Variants in PGAP1 observed in about 807,000 individuals in gnomAD.
PGAP1 encodes the protein GPI inositol-deacylase.
PGAP1 carries 76 observed loss-of-function variants against 127.0 expected under a neutral mutation model. The observed-to-expected ratio is 0.60, with a 90% CI of 0.50 to 0.72. The LOEUF (loss-of-function observed/expected upper bound fraction) is 0.72. Ranked by LOEUF, PGAP1 falls within the 30% of genes least tolerant of loss-of-function variation. The pLI is 0.00. For synonymous variants in PGAP1, 362 were observed against 366.5 expected (o/e 0.99, Z 0.14); for missense variants, 982 against 1,071.3 (o/e 0.92, Z 1.16).
At chr2:196,899,252 T>C (rs1197691108) in intron 5 of PGAP1, among the ~76,000 whole-genome samples, 2 of 152,208 alleles carry the variant, frequency 1.3e-5, no homozygotes, top group Admixed American at 6.5e-5. Flanking sequence ...CAAGAAAATT[T>C]ACAGAGGCCT....
Position 196,902,886 on chromosome 2 carries a change from A to G in PGAP1, c.650-144T>C. 3 of 540,684 alleles carry G rather than the reference A, an allele frequency of 5.5e-6. No homozygotes were observed. In the East Asian group the frequency reaches 9.5e-5, roughly 17 times the overall value. The allele number at this position is 540,684 out of a possible 1,614,324, so 33.5% of individuals were successfully genotyped here. On this transcript the variant is annotated intron_variant, in intron 4 of 26. Coordinates refer to ENST00000354764, the MANE Select transcript of PGAP1 (RefSeq NM_024989.4). ...ACAGTTGAGTTATTCACATTTCCCT[A>G]TTTTCAGTAAAATCAGTATCTTTAC...
intron 19 of PGAP1, among the ~76,000 whole-genome samples, chr2:196,865,762 C>CCTG (rs1701219821): frequency 8.5e-6 from 1 of 118,096 alleles, no homozygotes; most frequent in African/African-American, 4.2e-5. Context: ...CGTTATAGTG[C>CCTG]AAGTCATTCT....
At chr2:196,841,808 C>T (rs1035760214) in intron 26 of PGAP1, among the ~76,000 whole-genome samples, 4 of 152,280 alleles carry the variant, frequency 2.6e-5, no homozygotes, top group African/African-American at 4.8e-5. Context: ...TGAGCCACCA[C>T]GCCTGGCCTA....
intron 20 of PGAP1, among the ~76,000 whole-genome samples, chr2:196,850,051 G>GT (rs1485723090): frequency 6.6e-6 from 1 of 152,170 alleles, no homozygotes; most frequent in Admixed American, 6.5e-5. Flanking sequence ...TAAGGTTAGT[G>GT]TATGTATTTC....
At chr2:196,900,010 C>G (rs1702428667) in intron 5 of PGAP1, among the ~76,000 whole-genome samples, 1 of 152,202 alleles carries the variant, frequency 6.6e-6, no homozygotes, top group Admixed American at 6.5e-5. Context: ...TGCACTCCAG[C>G]CTGGGCAACA....
intron 8 of PGAP1, among the ~76,000 whole-genome samples, chr2:196,892,805 T>C (rs1702143675): frequency 6.6e-6 from 1 of 152,104 alleles, no homozygotes; most frequent in Admixed American, 6.5e-5. Context: ...GAATAACTGA[T>C]AATTGAGGAA....
At chr2:196,883,646 C>A (rs925676123) in intron 12 of PGAP1, among the ~76,000 whole-genome samples, 1 of 152,134 alleles carries the variant, frequency 6.6e-6, no homozygotes, top group African/African-American at 2.4e-5. Context: ...TGGAGGGCTC[C>A]ATCTATTTAT....
intron 19 of PGAP1, among the ~76,000 whole-genome samples, chr2:196,869,753 A>C (rs1393063388): frequency 6.6e-6 from 1 of 152,260 alleles, no homozygotes; most frequent in Non-Finnish European, 1.5e-5. Context: ...AGAATTTTAT[A>C]ATGTTCACAA....
At chr2:196,851,322 A>C (rs1214480143) in intron 20 of PGAP1, among the ~76,000 whole-genome samples, 4 of 152,052 alleles carry the variant, frequency 2.6e-5, no homozygotes, top group South Asian at 4.2e-4. Context: ...CACACACACA[A>C]AAATACTTCT....
intron 20 of PGAP1, among the ~76,000 whole-genome samples, chr2:196,864,119 C>T (rs1042122066): frequency 2.0e-5 from 3 of 151,606 alleles, no homozygotes; most frequent in Admixed American, 6.6e-5. Context: ...AGGCCGGGTC[C>T]GGTGGCTCAC....
intron 1 of PGAP1, among the ~76,000 whole-genome samples, chr2:196,920,560 A>G (rs529530826): frequency 6.6e-6 from 1 of 152,178 alleles, no homozygotes; most frequent in African/African-American, 2.4e-5. Flanking sequence ...ATTTTTAACT[A>G]TTTTGTAATG....
At chr2:196,925,766 T>C (rs994054992) in intron 1 of PGAP1, among the ~76,000 whole-genome samples, 2 of 151,962 alleles carry the variant, frequency 1.3e-5, no homozygotes, top group African/African-American at 4.8e-5. Flanking sequence ...GAGACATGCA[T>C]AAACACAGGT....
At chr2:196,849,420 C>A (rs1038930770) in intron 20 of PGAP1, among the ~76,000 whole-genome samples, 1 of 151,282 alleles carries the variant, frequency 6.6e-6, no homozygotes, top group Non-Finnish European at 1.5e-5. Context: ...CGTGCCACCA[C>A]GCCTGGCTAA....
chr2:196,886,940 C>T (rs1267660448), intron 10 of PGAP1, among the ~76,000 whole-genome samples: 26 of 152,102 alleles, frequency 1.7e-4, no homozygotes, highest in Non-Finnish European at 3.8e-4. Flanking sequence ...TCATGATCCG[C>T]CCGCCTCAAC....
chr2:196,841,970 T>C (rs900205413), intron 26 of PGAP1, among the ~76,000 whole-genome samples: 1 of 152,004 alleles, frequency 6.6e-6, no homozygotes, highest in Non-Finnish European at 1.5e-5. Context: ...GTTCCACTTC[T>C]AGAAATTTAT....
Position 196,872,463 on chromosome 2 carries a change from G to T in PGAP1, c.1706C>A (p.Thr569Lys). The change falls in exon 18 of 27, where the codon ACG (threonine) becomes AAG (lysine). Residue 569 changes from threonine to lysine, a missense_variant. Physicochemically the swap from Thr to Lys is moderately conservative, Grantham distance 78. Coordinates refer to ENST00000354764, the MANE Select transcript of PGAP1 (RefSeq NM_024989.4). ...TACCTCGTACCGACAGTCTGATGAC[G>T]TGTACATTTTAAATAATGCCACATG... The part of the protein sequence containing the change: ...NTHVALFKMY[T>K]SSDCRYEVTV... 6.2e-7 allele frequency: 1 copy of T among 1,608,548 alleles called. No homozygotes were observed. The highest frequency in any genetic ancestry group is 8.5e-7 in the Non-Finnish European group (1 of 1,175,026).
chr2:196,872,739 C>A, intron 17 of PGAP1, 190 bp from the exon 18 acceptor site: 1 of 575,918 alleles, frequency 1.7e-6, no homozygotes, highest in Non-Finnish European at 3.1e-6. Flanking sequence ...ACAGGAGTTG[C>A]GAGAGGGTGG....
intron 18 of PGAP1, 28 bp from the exon 19 acceptor site, chr2:196,871,007 AG>A (rs1559344730): frequency 6.5e-7 from 1 of 1,542,200 alleles, no homozygotes. Context: ...TTGAAAAAAA[AG>A]GTTATTTTCC....
In PGAP1 at chr2:196,913,050, G is replaced by T. The variant is rs894888316; in HGVS notation, c.481C>A (p.Gln161Lys). 6.9e-6 allele frequency: 11 copies of T among 1,602,782 alleles called. No homozygotes were observed. The highest frequency in any genetic ancestry group is 9.4e-6 in the Non-Finnish European group (11 of 1,174,694). Residue 161 changes from glutamine (Q) to lysine (K), a missense_variant, in exon 4 of 27, where the codon CAA becomes AAA. Gln to Lys is a moderately conservative substitution (Grantham distance 53). Transcript: ENST00000354764. ...IKTILKLYKG[Q>K]EFAPKSVAII... is the part of the protein sequence containing the mutation. ...GCCACACTTTTTGGAGCAAATTCTT[G>T]ACCCTATTAAAATAAATCACCAGGT...
Sources: allele counts gnomAD v4.1 joint callset (sites outside exome capture counted in the v4.1 genomes callset), GRCh38; gene constraint gnomAD v4.1.1; transcripts MANE v1.5; gene names NCBI Gene and HGNC (gene_info 2026-07-23, HGNC 2026-07-21).